The following RAD18 variants were observed in gnomAD, a reference collection of about 807,000 sequenced individuals.
The protein encoded by RAD18 is E3 ubiquitin-protein ligase RAD18.
Under a neutral mutation model 60.4 loss-of-function variants are expected in RAD18, and 47 were observed. That is an observed-to-expected ratio of 0.78 (90% CI 0.62 to 0.99). The LOEUF (loss-of-function observed/expected upper bound fraction) is 0.99, where lower values mean the gene tolerates loss of function less well. Among genes scored for constraint, RAD18 ranks in the 50% least tolerant of loss-of-function variants. The pLI, the probability that RAD18 is intolerant of heterozygous loss-of-function variation, is 0.00. For synonymous variants in RAD18, 225 were observed against 195.5 expected (o/e 1.15, Z -1.26); for missense variants, 640 against 593.3 (o/e 1.08, Z -0.82).
intron 9 of RAD18, among the ~76,000 whole-genome samples, chr3:8,908,649 G>A (rs115927187): frequency 3.3e-3 from 503 of 152,234 alleles, no homozygotes; most frequent in Non-Finnish European, 5.1e-3. Flanking sequence ...AAGCCATGCG[G>A]TCTGCATGCA....
chr3:8,916,495 C>T (rs1377445487), intron 7 of RAD18, among the ~76,000 whole-genome samples: 2 of 152,074 alleles, frequency 1.3e-5, no homozygotes, highest in Non-Finnish European at 2.9e-5. Context: ...AGTCTGGCAC[C>T]TCAGACTCTT....
chr3:8,924,885 A>G (rs1940401366), intron 7 of RAD18, among the ~76,000 whole-genome samples: 1 of 151,920 alleles, frequency 6.6e-6, no homozygotes, highest in Non-Finnish European at 1.5e-5. Flanking sequence ...ACAACATACC[A>G]GAATCTCTGG....
intron 1 of RAD18, 126 bp downstream of exon 1, chr3:8,963,209 G>C: frequency 9.3e-7 from 1 of 1,080,030 alleles, no homozygotes; most frequent in South Asian, 1.7e-5. Flanking sequence ...GGGCAGAGCC[G>C]GATACCCGGG....
At chr3:8,882,914 T>C (rs1409576216) in intron 12 of RAD18, among the ~76,000 whole-genome samples, 1 of 152,198 alleles carries the variant, frequency 6.6e-6, no homozygotes, top group African/African-American at 2.4e-5. Context: ...TCAGTCCCTA[T>C]GGTCCTTCAC....
chr3:8,887,113 C>A (rs185060270), intron 12 of RAD18, among the ~76,000 whole-genome samples: 58 of 152,292 alleles, frequency 3.8e-4, no homozygotes, highest in African/African-American at 1.3e-3. Context: ...AGTACAGAAG[C>A]TGCCCCAGCT....
chr3:8,881,042 TCAAAC>T lies in RAD18; in HGVS notation c.*310_*314del, dbSNP rs965187186. The stretch of plus-strand genomic sequence containing the variant: ...CTAAGGACATTCTGAAATTTAATTA[TCAAAC>T]CAAACCAAACCAAACCAAATCCCTG... On this transcript the variant is annotated 3_prime_UTR_variant, in exon 13 of 13. Coordinates refer to ENST00000264926, the MANE Select transcript of RAD18 (RefSeq NM_020165.4). 15 of 222,882 alleles carry T rather than the reference TCAAAC, an allele frequency of 6.7e-5. No homozygotes were observed. Among genetic ancestry groups the T allele is most frequent in the Middle Eastern group, 1.4e-3 (1 of 694 alleles). 13.8% of individuals were successfully genotyped at this position (222,882 alleles called of 1,614,324 possible). A position where few individuals can be genotyped will look rare whatever the true frequency, so the allele number is the denominator to read the frequency against.
At chr3:8,911,406 T>A (rs1184756531) in intron 9 of RAD18, among the ~76,000 whole-genome samples, 1 of 152,232 alleles carries the variant, frequency 6.6e-6, no homozygotes, top group African/African-American at 2.4e-5. Context: ...TCATTTGATA[T>A]TCTCTTTTGT....
intron 7 of RAD18, among the ~76,000 whole-genome samples, chr3:8,919,380 A>T (rs1200416448): frequency 6.6e-6 from 1 of 152,236 alleles, no homozygotes. Flanking sequence ...TCGAATGAAA[A>T]AAGACAAGAT....
intron 9 of RAD18, among the ~76,000 whole-genome samples, chr3:8,910,950 T>C (rs1940096007): frequency 1.3e-5 from 2 of 152,204 alleles, no homozygotes; most frequent in Non-Finnish European, 2.9e-5. Flanking sequence ...AGGCAGGTTG[T>C]TGGAGGATGC....
At chr3:8,940,880 C>A (rs1267762154) in intron 5 of RAD18, among the ~76,000 whole-genome samples, 1 of 152,198 alleles carries the variant, frequency 6.6e-6, no homozygotes, top group African/African-American at 2.4e-5. Flanking sequence ...AACTCTGCCA[C>A]TGTAGAATGA....
At chr3:8,909,855 CATA>C (rs1181622102) in intron 9 of RAD18, among the ~76,000 whole-genome samples, 2 of 152,136 alleles carry the variant, frequency 1.3e-5, no homozygotes, top group African/African-American at 4.8e-5. Context: ...AAAAAATTAT[CATA>C]ATGTTTAATA....
chr3:8,924,820 T>A (rs1318105626), intron 7 of RAD18, among the ~76,000 whole-genome samples: 124 of 125,976 alleles, frequency 9.8e-4, no homozygotes, highest in South Asian at 2.8e-3. Flanking sequence ...ACTGGGTACA[T>A]AACGAAATGA....
rs2124847758 is a variant in RAD18, at chr3:8,959,047, T to C, written c.52-46A>G. Reference sequence around the variant, plus strand: ...TATACATATCAGAAAGACATCAAAATTGGAAGTCCTGTCACAAAACTTTTT... The same window carrying C: ...TATACATATCAGAAAGACATCAAAACTGGAAGTCCTGTCACAAAACTTTTT... On this transcript the variant is annotated intron_variant, in intron 1 of 12. Transcript: ENST00000264926. 5.3e-6 allele frequency: 8 copies of C among 1,501,214 alleles called. No homozygotes were observed. The South Asian group carries it at 8.1e-5, about 15-fold the overall frequency. 93.0% of individuals were successfully genotyped at this position (1,501,214 alleles called of 1,614,324 possible). A position where few individuals can be genotyped will look rare whatever the true frequency, so the allele number is the denominator to read the frequency against.
intron 11 of RAD18, among the ~76,000 whole-genome samples, chr3:8,892,799 G>A (rs6763823): frequency 0.18 from 26,711 of 152,114 alleles, 3,272 homozygotes; most frequent in African/African-American, 0.35. Flanking sequence ...ATGTATGACT[G>A]GTAATGTTAG....
intron 7 of RAD18, among the ~76,000 whole-genome samples, chr3:8,918,078 G>A (rs950496384): frequency 2.6e-5 from 4 of 152,138 alleles, no homozygotes; most frequent in African/African-American, 4.8e-5. Flanking sequence ...AGCACTTTGG[G>A]AGGCCGAGGC....
At chr3:8,914,526 G>A (rs1443285442) in intron 7 of RAD18, among the ~76,000 whole-genome samples, 1 of 152,156 alleles carries the variant, frequency 6.6e-6, no homozygotes, top group Admixed American at 6.5e-5. Context: ...TTCTGTATAT[G>A]TTTGAAATAA....
intron 11 of RAD18, among the ~76,000 whole-genome samples, chr3:8,895,571 C>T (rs965568645): frequency 6.6e-6 from 1 of 152,120 alleles, no homozygotes; most frequent in African/African-American, 2.4e-5. Context: ...TTTATGATGA[C>T]GATTAACACT....
intron 10 of RAD18, among the ~76,000 whole-genome samples, chr3:8,900,843 A>G (rs1439508238): frequency 6.6e-6 from 1 of 152,208 alleles, no homozygotes; most frequent in Non-Finnish European, 1.5e-5. Context: ...ATCTAAAAGC[A>G]GCAATCACCT....
At chr3:8,917,147 A>G (rs998654115) in intron 7 of RAD18, among the ~76,000 whole-genome samples, 3 of 152,208 alleles carry the variant, frequency 2.0e-5, no homozygotes, top group Admixed American at 6.5e-5. Context: ...TTCAAGCCAG[A>G]TAACAATAGA....
Sources: allele counts gnomAD v4.1 joint callset (sites outside exome capture counted in the v4.1 genomes callset), GRCh38; gene constraint gnomAD v4.1.1; transcripts MANE v1.5; gene names NCBI Gene and HGNC (gene_info 2026-07-23, HGNC 2026-07-21).